The following TMEFF1 variants were observed in gnomAD, a reference collection of about 807,000 sequenced individuals.
TMEFF1 encodes the protein transmembrane protein with EGF like and two follistatin like domains 1.
Under a neutral mutation model 47.5 loss-of-function variants are expected in TMEFF1, and 20 were observed. That is an observed-to-expected ratio of 0.42 (90% CI 0.30 to 0.61). The LOEUF (loss-of-function observed/expected upper bound fraction) is 0.61. Ranked by LOEUF, TMEFF1 falls within the 20% of genes least tolerant of loss-of-function variation. TMEFF1 has a pLI of 0.19. For missense variants in TMEFF1, 411 were observed against 471.1 expected, an observed-to-expected ratio of 0.87 and a Z score of 1.18; for synonymous variants, 162 against 166.3, an observed-to-expected ratio of 0.97 and a Z score of 0.20.
intron 5 of TMEFF1, among the ~76,000 whole-genome samples, chr9:100,529,764 C>G (rs888159878): frequency 2.6e-5 from 4 of 152,184 alleles, no homozygotes; most frequent in African/African-American, 9.7e-5. Flanking sequence ...CTACAGAACT[C>G]TCCATCCCAA....
At chr9:100,529,773 A>C (rs1249372332) in intron 5 of TMEFF1, among the ~76,000 whole-genome samples, 1 of 152,182 alleles carries the variant, frequency 6.6e-6, no homozygotes, top group Non-Finnish European at 1.5e-5. Flanking sequence ...TCTCCATCCC[A>C]AATCAACAGA....
chr9:100,547,673 C>G lies in TMEFF1; in HGVS notation c.561-71C>G, dbSNP rs112555863. 2,015 of 1,364,302 alleles carry G rather than the reference C, an allele frequency of 1.5e-3. 29 individuals carry two copies. The African/African-American group carries it at 0.027, about 18-fold the overall frequency. 84.5% of individuals were successfully genotyped at this position (1,364,302 alleles called of 1,614,324 possible). On this transcript the variant is annotated intron_variant, in intron 5 of 9. Transcript: ENST00000374879. ...ACAGAAAGCAGAAGAAAGAATTGGT[C>G]TTTTTTGCTGTTGCAGCATTGTGAA...
chr9:100,520,540 TAAGAG>T (rs1427923547), intron 5 of TMEFF1, among the ~76,000 whole-genome samples: 1 of 152,224 alleles, frequency 6.6e-6, no homozygotes, highest in Non-Finnish European at 1.5e-5. Flanking sequence ...TTTCTGCTAT[TAAGAG>T]AAGTGCTTTT....
intron 5 of TMEFF1, among the ~76,000 whole-genome samples, chr9:100,517,054 A>G (rs1466055558): frequency 1.3e-5 from 2 of 152,150 alleles, no homozygotes; most frequent in Non-Finnish European, 2.9e-5. Flanking sequence ...ATTTTATACC[A>G]AGTGCTTTTC....
chr9:100,478,022 G>A (rs1213226913), intron 1 of TMEFF1, among the ~76,000 whole-genome samples: 2 of 152,166 alleles, frequency 1.3e-5, no homozygotes, highest in Non-Finnish European at 2.9e-5. Context: ...TAGATAATTT[G>A]TGGTAGTTTT....
At chr9:100,548,115 G>C (rs899405864) in intron 6 of TMEFF1, among the ~76,000 whole-genome samples, 2 of 151,040 alleles carry the variant, frequency 1.3e-5, no homozygotes, top group African/African-American at 4.9e-5. Flanking sequence ...TATTTAGTTA[G>C]TTCTTGGTTG....
intron 8 of TMEFF1, among the ~76,000 whole-genome samples, chr9:100,571,427 A>G (rs62577588): frequency 2.0e-5 from 3 of 152,334 alleles, no homozygotes; most frequent in African/African-American, 7.2e-5. Flanking sequence ...TTGAAATTAT[A>G]TGTATCTATT....
intron 1 of TMEFF1, among the ~76,000 whole-genome samples, chr9:100,480,170 T>G (rs1334830842): frequency 6.6e-6 from 1 of 152,216 alleles, no homozygotes; most frequent in Non-Finnish European, 1.5e-5. Flanking sequence ...TATATCTTCT[T>G]TGGAGAAATG....
intron 2 of TMEFF1, among the ~76,000 whole-genome samples, chr9:100,508,424 T>C (rs1837901442): frequency 6.6e-6 from 1 of 152,092 alleles, no homozygotes; most frequent in African/African-American, 2.4e-5. Context: ...TCTTGAATAC[T>C]TCAGCTTACA....
chr9:100,475,142 T>C (rs1328077075), intron 1 of TMEFF1, among the ~76,000 whole-genome samples: 1 of 152,158 alleles, frequency 6.6e-6, no homozygotes, highest in Non-Finnish European at 1.5e-5. Flanking sequence ...TTTATACTTT[T>C]GGGCTCTTGA....
chr9:100,527,032 A>G (rs987518658), intron 5 of TMEFF1, among the ~76,000 whole-genome samples: 14 of 150,340 alleles, frequency 9.3e-5, no homozygotes, highest in Non-Finnish European at 1.5e-4. Flanking sequence ...AATTCCAGCT[A>G]CTCTGGAGGC....
At chr9:100,564,644 A>G (rs1161122183) in intron 8 of TMEFF1, among the ~76,000 whole-genome samples, 1 of 152,194 alleles carries the variant, frequency 6.6e-6, no homozygotes, top group Non-Finnish European at 1.5e-5. Flanking sequence ...GTCAGGTCTT[A>G]CAGGAACATT....
intron 5 of TMEFF1, among the ~76,000 whole-genome samples, chr9:100,539,399 G>A (rs192647239): frequency 2.0e-5 from 3 of 152,074 alleles, no homozygotes; most frequent in African/African-American, 4.8e-5. Flanking sequence ...TGAGTGTTAC[G>A]GTTCTTAAAG....
intron 8 of TMEFF1, among the ~76,000 whole-genome samples, chr9:100,564,018 T>C (rs1839071924): frequency 6.6e-6 from 1 of 152,200 alleles, no homozygotes; most frequent in South Asian, 2.1e-4. Flanking sequence ...AAACAGCCTT[T>C]AGCCACAGTC....
In TMEFF1 at chr9:100,488,109, A is replaced by T. The variant is rs574838746; in HGVS notation, c.197-10656A>T. The stretch of plus-strand genomic sequence containing the variant: ...GTTCTTGTGTTTAGATTAATTATTG[A>T]TTTAAAAAACAGTTTAATGAAGGAA... On this transcript the variant is annotated intron_variant, in intron 1 of 9. Coordinates refer to ENST00000374879, the MANE Select transcript of TMEFF1 (RefSeq NM_003692.5). 1.3e-5 allele frequency among the ~76,000 whole-genome samples: 2 copies of T among 152,286 alleles called. 1 individual carries two copies. Among genetic ancestry groups the T allele is most frequent in the African/African-American group, 4.8e-5 (2 of 41,558 alleles).
intron 7 of TMEFF1, among the ~76,000 whole-genome samples, chr9:100,554,820 G>T (rs1838886295): frequency 6.6e-6 from 1 of 152,036 alleles, no homozygotes; most frequent in Admixed American, 6.6e-5. Context: ...TTTTTTAACT[G>T]TAGAGATTTA....
At chr9:100,552,237 A>G (rs779070324) in intron 7 of TMEFF1, among the ~76,000 whole-genome samples, 1 of 152,196 alleles carries the variant, frequency 6.6e-6, no homozygotes. Flanking sequence ...TACAAAGTTA[A>G]CCATTTGAAA....
Position 100,576,627 on chromosome 9 carries a change from C to T in TMEFF1, c.*27C>T. The T allele has an allele frequency of 6.4e-7, 1 of 1,571,266 alleles. No individual in the cohort carries two copies. The highest frequency in any genetic ancestry group is 2.0e-5 in the Admixed American group (1 of 48,930). On this transcript the variant is annotated 3_prime_UTR_variant, in exon 10 of 10. Transcript: ENST00000374879. The stretch of plus-strand genomic sequence containing the variant: ...CTGATGACTTTTATATGTACACTGA[C>T]CATGTGATGTACATTTATTATGTCT...
At chr9:100,533,557 G>T (rs577807760) in intron 5 of TMEFF1, among the ~76,000 whole-genome samples, 1 of 152,150 alleles carries the variant, frequency 6.6e-6, no homozygotes, top group African/African-American at 2.4e-5. Flanking sequence ...CAATTTGAAA[G>T]TCTTTTCAAA....
Sources: allele counts gnomAD v4.1 joint callset (sites outside exome capture counted in the v4.1 genomes callset), GRCh38; gene constraint gnomAD v4.1.1; transcripts MANE v1.5; gene names NCBI Gene and HGNC (gene_info 2026-07-23, HGNC 2026-07-21).